The following PSMC4 variants were observed in gnomAD, a reference collection of about 807,000 sequenced individuals.
The protein encoded by PSMC4 is proteasome 26S subunit, ATPase 4, also known as 26S proteasome regulatory subunit 6B.
Under a neutral mutation model 48.4 loss-of-function variants are expected in PSMC4, and 13 were observed. The ratio of observed to expected loss-of-function variants is 0.27; its 90% confidence interval spans 0.18 to 0.43. The LOEUF (loss-of-function observed/expected upper bound fraction) is 0.43, where lower values mean the gene tolerates loss of function less well. PSMC4 is among the 20% of genes least tolerant of loss of function. PSMC4 has a pLI of 1.00. For synonymous variants in PSMC4, 202 were observed against 212.3 expected, an observed-to-expected ratio of 0.95 and a Z score of 0.42; for missense variants, 262 against 555.9, an observed-to-expected ratio of 0.47 and a Z score of 5.32.
Position 39,974,091 on chromosome 19 carries a change from G to A in PSMC4, c.323-203G>A, listed in dbSNP as rs892591332. Among the ~76,000 whole-genome samples the A allele has an allele frequency of 6.6e-6, 1 of 152,164 alleles. No individual in the cohort carries two copies. The highest frequency in any genetic ancestry group is 1.9e-4 in the East Asian group (1 of 5,188). On this transcript the variant is annotated intron_variant, in intron 3 of 10. Coordinates refer to ENST00000157812, the MANE Select transcript of PSMC4 (RefSeq NM_006503.4). This position sits in a 1 kb window ranked among gnomAD's most constrained non-coding sequence, Gnocchi z 5.5. ...GGAGGCCTGCTGGACAGCCAGGGCT[G>A]GATGTCAAGAGAGAATCAGGGCGGT...
Position 39,980,853 on chromosome 19 carries a change from C to A in PSMC4, c.1143+136C>A. 1 of 866,080 alleles carries A rather than the reference C, an allele frequency of 1.2e-6. No individual in the cohort carries two copies. The allele number at this position is 866,080 out of a possible 1,614,324, so 53.6% of individuals were successfully genotyped here. ...CCATCTCTCTCTTCCTCTACCATCACTAGGGGTGGATAGTACAGGGGTAGT... is the reference window on the plus strand; with the variant it reads ...CCATCTCTCTCTTCCTCTACCATCAATAGGGGTGGATAGTACAGGGGTAGT... On this transcript the variant is annotated intron_variant, in intron 10 of 10. Coordinates refer to ENST00000157812, the MANE Select transcript of PSMC4 (RefSeq NM_006503.4). This position sits in a 1 kb window ranked among gnomAD's most constrained non-coding sequence, Gnocchi z 4.8.
chr19:39,981,533 C>T lies in PSMC4; in HGVS notation c.*228C>T, dbSNP rs949559681. The T allele has an allele frequency of 7.2e-5, 32 of 444,452 alleles. No homozygotes were observed. Among genetic ancestry groups the T allele is most frequent in the Admixed American group, 2.4e-4 (7 of 28,780 alleles). The allele number at this position is 444,452 out of a possible 1,614,324, so 27.5% of individuals were successfully genotyped here. A position where few individuals can be genotyped will look rare whatever the true frequency, so the allele number is the denominator to read the frequency against. ...CCTCTTAATCTGACAGATGAGCAGA[C>T]GAGGTGCATGGCCTGGGTTGCAGCT... On this transcript the variant is annotated 3_prime_UTR_variant, in exon 11 of 11. Coordinates refer to ENST00000157812, the MANE Select transcript of PSMC4 (RefSeq NM_006503.4).
chr19:39,980,192 G>C lies in PSMC4; in HGVS notation c.918+46G>C. The C allele has an allele frequency of 6.2e-7, 1 of 1,613,644 alleles. No homozygotes were observed. The highest frequency in any genetic ancestry group is 8.5e-7 in the Non-Finnish European group (1 of 1,179,700). Reference sequence around the variant, plus strand: ...AAGGGGAGGTGTGGTGTAGGAACTGGGGAAAGTTGGGGGCTGGCACCTAAG... The same window carrying C: ...AAGGGGAGGTGTGGTGTAGGAACTGCGGAAAGTTGGGGGCTGGCACCTAAG... On this transcript the variant is annotated intron_variant, in intron 8 of 10. Transcript: ENST00000157812. The surrounding 1 kb of genome is among the most constrained non-coding windows in gnomAD (Gnocchi z 4.8).
intron 6 of PSMC4, among the ~76,000 whole-genome samples, chr19:39,977,032 T>G (rs1178213411): frequency 1.3e-5 from 2 of 152,002 alleles, no homozygotes; most frequent in Admixed American, 6.6e-5. Flanking sequence ...TTTGTACTTT[T>G]GGTAGAAATG....
At chr19:39,978,188 T>G (rs1175041709) in intron 6 of PSMC4, among the ~76,000 whole-genome samples, 1 of 152,080 alleles carries the variant, frequency 6.6e-6, no homozygotes, top group East Asian at 1.9e-4. Context: ...AGTGAGTAAC[T>G]GAAGCAGGAG....
Position 39,974,892 on chromosome 19 carries a change from G to T in PSMC4, c.673+64G>T. ...GGCCTCTTCGCCTTGCTCCCTGCTC[G>T]CTCACTGGCACTGCACAGTAATTAG... On this transcript the variant is annotated intron_variant, in intron 6 of 10. Coordinates refer to ENST00000157812, the MANE Select transcript of PSMC4 (RefSeq NM_006503.4). This position sits in a 1 kb window ranked among gnomAD's most constrained non-coding sequence, Gnocchi z 5.5. The T allele has an allele frequency of 6.9e-7, 1 of 1,443,874 alleles. No individual in the cohort carries two copies. 89.4% of individuals were successfully genotyped at this position (1,443,874 alleles called of 1,614,324 possible).
In PSMC4 at chr19:39,972,324, C is replaced by G; in HGVS notation, c.136-45C>G. 3 of 1,610,760 alleles carry G rather than the reference C, an allele frequency of 1.9e-6. No individual in the cohort carries two copies. The South Asian group carries it at 3.3e-5, about 18-fold the overall frequency. ...CCCCACTTTCCACCACTCTCTGGAT[C>G]AGCAAGTCTGGAGCCATCCCCTTCT... On this transcript the variant is annotated intron_variant, in intron 2 of 10. Coordinates refer to ENST00000157812, the MANE Select transcript of PSMC4 (RefSeq NM_006503.4).
rs1301534163 is a variant in PSMC4 at position 39,974,054 on chromosome 19, T to C, written c.323-240T>C. Among the ~76,000 whole-genome samples, 2 of 151,926 alleles carry C rather than the reference T, an allele frequency of 1.3e-5. No homozygotes were observed. The highest frequency in any genetic ancestry group is 2.9e-5 in the Non-Finnish European group (2 of 67,988). On this transcript the variant is annotated intron_variant, in intron 3 of 10. Transcript: ENST00000157812. This position sits in a 1 kb window ranked among gnomAD's most constrained non-coding sequence, Gnocchi z 5.5. Reference sequence around the variant, plus strand: ...GAAACAGAAGTGTGCCTCACTAGTATGAGATGCAGGGGGAGGCCTGCTGGA... The same window carrying C: ...GAAACAGAAGTGTGCCTCACTAGTACGAGATGCAGGGGGAGGCCTGCTGGA...
At chr19:39,972,823 G>A (rs1971125950) in intron 3 of PSMC4, among the ~76,000 whole-genome samples, 1 of 151,780 alleles carries the variant, frequency 6.6e-6, no homozygotes, top group Non-Finnish European at 1.5e-5. Context: ...TCGGCTCACT[G>A]CAACCTCCAC....
chr19:39,977,788 C>G (rs1382621350), intron 6 of PSMC4, among the ~76,000 whole-genome samples: 1 of 151,898 alleles, frequency 6.6e-6, no homozygotes, highest in African/African-American at 2.4e-5. Flanking sequence ...CACCATTGCA[C>G]TCCAGCCCGG....
Position 39,971,663 on chromosome 19 carries a change from T to C in PSMC4, c.36+425T>C, listed in dbSNP as rs1469520820. On this transcript the variant is annotated intron_variant, in intron 1 of 10. Transcript: ENST00000157812. ...GGGTAATGGGGCGGGTAGTTAAGTA[T>C]TATCTGTGGCTTGCCTGAGTGATAT... is the stretch of plus-strand genomic sequence containing the variant. Among the ~76,000 whole-genome samples the C allele has an allele frequency of 3.9e-5, 6 of 152,224 alleles. No homozygotes were observed. The East Asian group carries it at 1.2e-3, about 29-fold the overall frequency.
intron 3 of PSMC4, among the ~76,000 whole-genome samples, chr19:39,973,786 G>C (rs1412863780): frequency 6.6e-6 from 1 of 152,118 alleles, no homozygotes; most frequent in Non-Finnish European, 1.5e-5. Flanking sequence ...TTGGAGAAAG[G>C]TGTGCGATTG....
intron 3 of PSMC4, among the ~76,000 whole-genome samples, 175 bp downstream of exon 3, chr19:39,972,730 T>A (rs985745799): frequency 3.3e-5 from 5 of 149,824 alleles, no homozygotes; most frequent in Admixed American, 3.3e-4. Flanking sequence ...TATATATGTA[T>A]ATCTATGTTT....
intron 1 of PSMC4, among the ~76,000 whole-genome samples, chr19:39,971,640 G>A (rs1273033030): frequency 7.2e-5 from 11 of 152,174 alleles, no homozygotes; most frequent in Admixed American, 3.9e-4. Context: ...GCTGATGGGG[G>A]TAATGGGGCG....
intron 1 of PSMC4, 78 bp from the exon 2 acceptor site, chr19:39,972,068 G>A (rs1971108684): frequency 3.0e-6 from 4 of 1,348,360 alleles, no homozygotes. Context: ...GTGGGGAGGG[G>A]AACAAACATT....
intron 6 of PSMC4, among the ~76,000 whole-genome samples, chr19:39,976,244 A>T (rs1390641806): frequency 1.5e-5 from 2 of 132,406 alleles, no homozygotes; most frequent in East Asian, 4.5e-4. Flanking sequence ...CTCCAAAAAA[A>T]ATATATATAT....
intron 3 of PSMC4, among the ~76,000 whole-genome samples, chr19:39,973,557 T>C (rs1335584712): frequency 7.4e-6 from 1 of 135,484 alleles, no homozygotes; most frequent in African/African-American, 2.8e-5. Flanking sequence ...TACTACAGCC[T>C]GGGTGACAGA....
chr19:39,975,983 T>C (rs1296243427), intron 6 of PSMC4, among the ~76,000 whole-genome samples: 1 of 151,918 alleles, frequency 6.6e-6, no homozygotes, highest in African/African-American at 2.4e-5. Flanking sequence ...GCGCGGTGGC[T>C]CACGCCTGTA....
Position 39,980,504 on chromosome 19 carries a change from A to AC in PSMC4, c.1087+50_1087+51insC, listed in dbSNP as rs1307883052. ...GGGGCCCTAGTTGGGAACGGGGATTAGATCTTCAGCTCAACTTCTGCCAGC... is the reference window on the plus strand; with the variant it reads ...GGGGCCCTAGTTGGGAACGGGGATTACGATCTTCAGCTCAACTTCTGCCAGC... On this transcript the variant is annotated intron_variant, in intron 9 of 10. Transcript: ENST00000157812. The surrounding 1 kb of genome is among the most constrained non-coding windows in gnomAD (Gnocchi z 4.8). 1.9e-6 allele frequency: 3 copies of AC among 1,606,012 alleles called. No homozygotes were observed. In the African/African-American group the frequency reaches 4.0e-5, roughly 21 times the overall value.
Sources: allele counts gnomAD v4.1 joint callset (sites outside exome capture counted in the v4.1 genomes callset), GRCh38; gene constraint gnomAD v4.1.1; non-coding constraint Gnocchi (gnomAD v3.1); transcripts MANE v1.5; gene names NCBI Gene and HGNC (gene_info 2026-07-23, HGNC 2026-07-21).